The following NRG3 variants were observed in gnomAD, a reference collection of about 807,000 sequenced individuals.
NRG3 encodes neuregulin 3.
A neutral mutation model predicts 66.9 loss-of-function variants in NRG3; 31 were observed. The observed-to-expected ratio is 0.46, with a 90% confidence interval of 0.35 to 0.63. The LOEUF (loss-of-function observed/expected upper bound fraction) is 0.63, where lower values mean the gene tolerates loss of function less well. NRG3 is among the 20% of genes least tolerant of loss of function. The pLI, the probability that NRG3 is intolerant of heterozygous loss-of-function variation, is 0.00. For missense variants in NRG3, 910 were observed against 878.9 expected (o/e 1.04, Z -0.45); for synonymous variants, 393 against 359.4 (o/e 1.09, Z -1.06).
chr10:82,719,920 A>G (rs1340316621), intron 2 of NRG3, among the ~76,000 whole-genome samples: 1 of 152,208 alleles, frequency 6.6e-6, no homozygotes, highest in South Asian at 2.1e-4. Flanking sequence ...AGAGATTAGG[A>G]TATTAGTACA....
chr10:82,429,372 A>G (rs2089651934), intron 2 of NRG3, among the ~76,000 whole-genome samples: 1 of 151,922 alleles, frequency 6.6e-6, no homozygotes, highest in Admixed American at 6.6e-5. Context: ...TTTTTTCTTA[A>G]CATTTGAATG....
intron 1 of NRG3, among the ~76,000 whole-genome samples, chr10:82,333,798 C>T (rs967218470): frequency 6.6e-6 from 1 of 151,988 alleles, no homozygotes; most frequent in African/African-American, 2.4e-5. Context: ...GGAAAAATGT[C>T]GTGCCCTGGC....
At chr10:82,022,841 T>A (rs1426771151) in intron 1 of NRG3, among the ~76,000 whole-genome samples, 1 of 151,762 alleles carries the variant, frequency 6.6e-6, no homozygotes, top group African/African-American at 2.4e-5. Context: ...TTATAGTGAA[T>A]ACAGGTTGAA....
At chr10:82,038,524 C>T (rs2062893243) in intron 1 of NRG3, among the ~76,000 whole-genome samples, 2 of 152,150 alleles carry the variant, frequency 1.3e-5, no homozygotes, top group South Asian at 4.1e-4. Flanking sequence ...TTTCAGACTA[C>T]TAGAAGTCAC....
Position 82,134,370 on chromosome 10 carries a change from T to C in NRG3, c.824-224369T>C, listed in dbSNP as rs186118900. ...TAGGATGGTAATGACTAGGCTGTCT[T>C]CCAAGGTTTTTATAGTTTGGGGTTT... is the stretch of plus-strand genomic sequence containing the variant. On this transcript the variant is annotated intron_variant, in intron 1 of 8. Coordinates refer to ENST00000372141, the MANE Select transcript of NRG3 (RefSeq NM_001010848.4). Among the ~76,000 whole-genome samples, 988 of 152,316 alleles carry C rather than the reference T, an allele frequency of 6.5e-3. 9 individuals carry two copies. The highest frequency in any genetic ancestry group is 9.6e-3 in the Non-Finnish European group (654 of 68,032).
chr10:82,508,896 AGTTTATCAGGG>A (rs1342668387), intron 2 of NRG3, among the ~76,000 whole-genome samples: 1 of 152,120 alleles, frequency 6.6e-6, no homozygotes, highest in Non-Finnish European at 1.5e-5. Flanking sequence ...TCAAATGTAG[AGTTTATCAGGG>A]GTTCCATTTT....
At chr10:82,161,956 C>T (rs958705730) in intron 1 of NRG3, among the ~76,000 whole-genome samples, 7 of 152,208 alleles carry the variant, frequency 4.6e-5, no homozygotes, top group African/African-American at 1.7e-4. Context: ...CTTGATATAA[C>T]AAAGTGGCCC....
intron 2 of NRG3, among the ~76,000 whole-genome samples, chr10:82,411,327 C>G (rs909337368): frequency 1.4e-4 from 21 of 152,126 alleles, no homozygotes; most frequent in Non-Finnish European, 1.5e-5. Context: ...GAAGGAAAGA[C>G]TGATTTTACC....
intron 1 of NRG3, among the ~76,000 whole-genome samples, chr10:82,308,583 T>G (rs2080867648): frequency 6.6e-6 from 1 of 152,204 alleles, no homozygotes; most frequent in Non-Finnish European, 1.5e-5. Context: ...TGCTGCATCT[T>G]TATGATTACC....
chr10:82,061,079 T>C (rs529685554), intron 1 of NRG3, among the ~76,000 whole-genome samples: 1 of 152,260 alleles, frequency 6.6e-6, no homozygotes, highest in South Asian at 2.1e-4. Context: ...GTGATAATCT[T>C]TGGTGGCTTA....
intron 2 of NRG3, among the ~76,000 whole-genome samples, chr10:82,486,505 C>T (rs946268735): frequency 1.3e-5 from 2 of 151,878 alleles, no homozygotes; most frequent in African/African-American, 4.8e-5. Flanking sequence ...ACCTCTGTCT[C>T]CCGGGTTGAA....
At chr10:82,569,057 A>T (rs1413714607) in intron 2 of NRG3, among the ~76,000 whole-genome samples, 18 of 151,678 alleles carry the variant, frequency 1.2e-4, no homozygotes, top group Admixed American at 1.1e-3. Flanking sequence ...ATATTCCGTT[A>T]ACTCTTATTT....
In NRG3 at chr10:82,850,345, G is replaced by A. The variant is rs556699123; in HGVS notation, c.1028-15066G>A. Reference sequence around the variant, plus strand: ...CTCATGTCTTTGATTGACATTTCTGGTCCCCAGCGTGCTGCTCTCACATTT... The same window carrying A: ...CTCATGTCTTTGATTGACATTTCTGATCCCCAGCGTGCTGCTCTCACATTT... On this transcript the variant is annotated intron_variant, in intron 3 of 8. Coordinates refer to ENST00000372141, the MANE Select transcript of NRG3 (RefSeq NM_001010848.4). Among the ~76,000 whole-genome samples, 10 of 152,100 alleles carry A rather than the reference G, an allele frequency of 6.6e-5. No individual in the cohort carries two copies. The East Asian group carries it at 1.7e-3, about 26-fold the overall frequency.
At chr10:82,660,651 C>T (rs1029146367) in intron 2 of NRG3, among the ~76,000 whole-genome samples, 2 of 152,120 alleles carry the variant, frequency 1.3e-5, no homozygotes, top group Non-Finnish European at 2.9e-5. Flanking sequence ...TACATGGAAC[C>T]GTACTGAGAT....
intron 2 of NRG3, among the ~76,000 whole-genome samples, chr10:82,521,915 A>C (rs533272387): frequency 6.6e-6 from 1 of 151,220 alleles, no homozygotes. Context: ...ATAAAATGCA[A>C]CTCCTCATCT....
intron 1 of NRG3, among the ~76,000 whole-genome samples, chr10:81,973,071 C>T (rs2059988941): frequency 6.6e-6 from 1 of 152,034 alleles, no homozygotes; most frequent in East Asian, 1.9e-4. Context: ...CTCCCTCCTC[C>T]CACCCTTCAC....
At chr10:82,341,348 G>A (rs1448385450) in intron 1 of NRG3, among the ~76,000 whole-genome samples, 1 of 152,072 alleles carries the variant, frequency 6.6e-6, no homozygotes, top group African/African-American at 2.4e-5. Context: ...TTTCTTTATG[G>A]AGTTGGGCTT....
chr10:82,052,030 G>GA lies in NRG3; in HGVS notation c.823+175868dup, dbSNP rs1432251372. Reference sequence around the variant, plus strand: ...TTGCTGGGAGCCACATACCGCATTAGATTTTTTTTTTTTTTTGGTACGCTA... The same window carrying GA: ...TTGCTGGGAGCCACATACCGCATTAGAATTTTTTTTTTTTTTTGGTACGCTA... On this transcript the variant is annotated intron_variant, in intron 1 of 8. Coordinates refer to ENST00000372141, the MANE Select transcript of NRG3 (RefSeq NM_001010848.4). Among the ~76,000 whole-genome samples, 356 of 102,964 alleles carry GA rather than the reference G, an allele frequency of 3.5e-3. 5 individuals are homozygous for GA. Among genetic ancestry groups the GA allele is most frequent in the African/African-American group, 0.011 (346 of 30,340 alleles). The allele number at this position is 102,964 out of a possible 152,430, so 67.5% of individuals were successfully genotyped here.
chr10:82,662,722 C>A (rs2052461989), intron 2 of NRG3, among the ~76,000 whole-genome samples: 3 of 152,144 alleles, frequency 2.0e-5, no homozygotes. Context: ...ACATTTAGAT[C>A]CTCTTGACTT....
Sources: gnomAD v4.1 joint callset for allele counts (sites outside exome capture counted in the v4.1 genomes callset) on GRCh38, gnomAD v4.1.1 for gene constraint, MANE v1.5 for transcripts, NCBI Gene and HGNC (gene_info 2026-07-23, HGNC 2026-07-21) for gene names.